Variants in OCA2 observed in about 807,000 individuals in gnomAD.
OCA2 encodes the protein OCA2 melanosomal transmembrane protein, also known as P protein.
A neutral mutation model predicts 100.2 loss-of-function variants in OCA2; 77 were observed. That is an observed-to-expected ratio of 0.77 (90% CI 0.64 to 0.93). The LOEUF is 0.93. Ranked by LOEUF, OCA2 falls within the 40% of genes least tolerant of loss-of-function variation. The probability of loss-of-function intolerance (pLI) is 0.00; values close to 1 mark genes in which losing one functional copy is unlikely to be tolerated. For missense variants in OCA2, 1,062 were observed against 1,089.1 expected (o/e 0.98, Z 0.35); for synonymous variants, 432 against 439.2 (o/e 0.98, Z 0.21).
At chr15:28,008,030 T>C (rs548606831) in intron 9 of OCA2, among the ~76,000 whole-genome samples, 41 of 152,314 alleles carry the variant, frequency 2.7e-4, no homozygotes, top group African/African-American at 9.6e-4. Context: ...GAAGATGCTC[T>C]GGAAACATTT....
chr15:28,036,413 A>G (rs181522145), intron 2 of OCA2, among the ~76,000 whole-genome samples: 33 of 152,302 alleles, frequency 2.2e-4, no homozygotes, highest in African/African-American at 6.3e-4. Flanking sequence ...ACAAACCGCT[A>G]TCCCCACTAG....
intron 21 of OCA2, among the ~76,000 whole-genome samples, chr15:27,868,672 T>C (rs1331237179): frequency 6.6e-6 from 1 of 152,136 alleles, no homozygotes; most frequent in Non-Finnish European, 1.5e-5. Context: ...TATGGTATCA[T>C]GCACTTCAAA....
intron 23 of OCA2, among the ~76,000 whole-genome samples, chr15:27,808,304 T>C (rs2033939956): frequency 1.3e-5 from 2 of 152,222 alleles, no homozygotes; most frequent in African/African-American, 4.8e-5. Flanking sequence ...GGGGAAGTGA[T>C]GCTCGGGGAG....
intron 23 of OCA2, among the ~76,000 whole-genome samples, chr15:27,772,840 C>A (rs1355358707): frequency 8.8e-4 from 108 of 122,700 alleles, no homozygotes; most frequent in South Asian, 2.6e-3. Flanking sequence ...GACTCTATCT[C>A]AAAAAAAAAA....
At chr15:27,752,360 C>G (rs867208178), downstream of OCA2, among the ~76,000 whole-genome samples, 1 of 152,198 alleles carries the variant, frequency 6.6e-6, no homozygotes, top group African/African-American at 2.4e-5. Flanking sequence ...ATCATAACGA[C>G]ACAGGATTTA....
At chr15:28,096,037 C>T (rs2044972766) in intron 1 of OCA2, among the ~76,000 whole-genome samples, 2 of 152,148 alleles carry the variant, frequency 1.3e-5, no homozygotes, top group South Asian at 2.1e-4. Flanking sequence ...CAGGGCATGG[C>T]TGTGTCTCTC....
chr15:27,937,615 C>A (rs1332718538), intron 18 of OCA2, among the ~76,000 whole-genome samples: 1 of 152,184 alleles, frequency 6.6e-6, no homozygotes, highest in Non-Finnish European at 1.5e-5. Flanking sequence ...ATAATGGCAT[C>A]TCGTTGTGGT....
the OCA2 span, among the ~76,000 whole-genome samples, chr15:27,727,632 C>T: frequency 6.6e-6 from 1 of 152,302 alleles, no homozygotes; most frequent in South Asian, 2.1e-4. Flanking sequence ...AATGAAGGCA[C>T]GTAAAATCAT....
intron 23 of OCA2, among the ~76,000 whole-genome samples, chr15:27,768,184 G>A (rs942151361): frequency 3.9e-5 from 6 of 152,212 alleles, no homozygotes; most frequent in African/African-American, 1.2e-4. Flanking sequence ...CAGGCTGAGG[G>A]AGCTCCACCG....
intron 21 of OCA2, among the ~76,000 whole-genome samples, chr15:27,851,995 G>A (rs2035770279): frequency 6.6e-6 from 1 of 152,100 alleles, no homozygotes; most frequent in Non-Finnish European, 1.5e-5. Context: ...CCTGTGCTAA[G>A]CCACTTATCA....
intron 23 of OCA2, among the ~76,000 whole-genome samples, chr15:27,797,600 G>A (rs2033399442): frequency 6.6e-6 from 1 of 152,144 alleles, no homozygotes; most frequent in Non-Finnish European, 1.5e-5. Flanking sequence ...CTGGATGATG[G>A]CATTGCAGCT....
intron 14 of OCA2, among the ~76,000 whole-genome samples, chr15:27,979,487 T>C (rs1045297583): frequency 1.3e-5 from 2 of 152,208 alleles, no homozygotes; most frequent in Non-Finnish European, 2.9e-5. Flanking sequence ...TGTTCCACCA[T>C]TTCTTTGCTT....
chr15:27,935,814 A>G (rs900843935), intron 18 of OCA2, among the ~76,000 whole-genome samples: 11 of 152,246 alleles, frequency 7.2e-5, no homozygotes, highest in African/African-American at 2.7e-4. Context: ...AAACCTTGTC[A>G]TCTTTTATAA....
At chr15:27,943,124 A>G (rs1054816985) in intron 18 of OCA2, among the ~76,000 whole-genome samples, 2 of 152,174 alleles carry the variant, frequency 1.3e-5, no homozygotes, top group African/African-American at 4.8e-5. Context: ...TTGTAAACCA[A>G]AAACAAATCT....
intron 23 of OCA2, among the ~76,000 whole-genome samples, chr15:27,799,717 C>T (rs1037322052): frequency 6.0e-5 from 9 of 150,962 alleles, no homozygotes; most frequent in African/African-American, 2.2e-4. Flanking sequence ...TGCACTCCAG[C>T]CTGAGTGACA....
At chr15:27,778,236 G>A (rs902402637) in intron 23 of OCA2, among the ~76,000 whole-genome samples, 15 of 152,158 alleles carry the variant, frequency 9.9e-5, no homozygotes, top group African/African-American at 3.6e-4. Context: ...AGTCTAGTGG[G>A]CATTTTAAAA....
chr15:27,821,930 T>C (rs2034524298), intron 23 of OCA2, among the ~76,000 whole-genome samples: 1 of 152,224 alleles, frequency 6.6e-6, no homozygotes, highest in Admixed American at 6.5e-5. Flanking sequence ...TGAAGTACCA[T>C]GGATCTGGCA....
chr15:28,029,427 TATA>T (rs1312563590), intron 3 of OCA2, among the ~76,000 whole-genome samples: 1 of 152,198 alleles, frequency 6.6e-6, no homozygotes, highest in Non-Finnish European at 1.5e-5. Flanking sequence ...AACCTTTTCT[TATA>T]AGAAGACAGA....
intron 19 of OCA2, among the ~76,000 whole-genome samples, chr15:27,877,687 T>C (rs916328814): frequency 6.6e-6 from 1 of 152,002 alleles, no homozygotes; most frequent in Non-Finnish European, 1.5e-5. Context: ...TCTCTATGCT[T>C]AATTTAAAAG....
Sources: allele counts gnomAD v4.1 joint callset (sites outside exome capture counted in the v4.1 genomes callset), GRCh38; gene constraint gnomAD v4.1.1; transcripts MANE v1.5; gene names NCBI Gene and HGNC (gene_info 2026-07-23, HGNC 2026-07-21).